Variants in RABEP1 observed in about 807,000 individuals in gnomAD.
RABEP1 encodes rab GTPase-binding effector protein 1.
Under a neutral mutation model 123.4 loss-of-function variants are expected in RABEP1, and 51 were observed. The ratio of observed to expected loss-of-function variants is 0.41; its 90% CI spans 0.33 to 0.52. The LOEUF is 0.52. RABEP1 is among the 20% of genes least tolerant of loss of function. The pLI, the probability that RABEP1 is intolerant of heterozygous loss-of-function variation, is 0.16. For missense variants in RABEP1, 888 were observed against 996.3 expected (o/e 0.89, Z 1.46); for synonymous variants, 347 against 355.2 (o/e 0.98, Z 0.26).
chr17:5,283,296 T>A (rs138494916), intron 1 of RABEP1, among the ~76,000 whole-genome samples: 6 of 152,152 alleles, frequency 3.9e-5, no homozygotes, highest in South Asian at 2.1e-4. Flanking sequence ...AGATATTTGC[T>A]TGTGGAACTA....
intron 14 of RABEP1, among the ~76,000 whole-genome samples, chr17:5,377,587 C>G (rs1414468058): frequency 3.0e-5 from 4 of 134,380 alleles, no homozygotes; most frequent in Non-Finnish European, 6.0e-5. Context: ...AGTGCAATGG[C>G]GCGATCTTGG....
intron 5 of RABEP1, among the ~76,000 whole-genome samples, chr17:5,339,974 A>G (rs77157661): frequency 2.0e-5 from 3 of 152,204 alleles, no homozygotes; most frequent in Admixed American, 6.5e-5. Flanking sequence ...CATCAATAAG[A>G]TATAATAGTC....
chr17:5,287,643 G>A (rs993159724), intron 1 of RABEP1, among the ~76,000 whole-genome samples: 3 of 150,762 alleles, frequency 2.0e-5, no homozygotes, highest in South Asian at 2.1e-4. Flanking sequence ...CTGAGCGGGC[G>A]TGGTGTTGTC....
At chr17:5,313,102 T>A (rs1291994414) in intron 2 of RABEP1, among the ~76,000 whole-genome samples, 1 of 152,180 alleles carries the variant, frequency 6.6e-6, no homozygotes, top group East Asian at 1.9e-4. Flanking sequence ...AGAGCGAGAC[T>A]CTGTCTCAAG....
At chr17:5,341,053 G>C (rs1003873681) in intron 5 of RABEP1, among the ~76,000 whole-genome samples, 2 of 151,796 alleles carry the variant, frequency 1.3e-5, no homozygotes, top group Non-Finnish European at 1.5e-5. Flanking sequence ...TCAATATAAT[G>C]AAAAAATGGA....
At chr17:5,367,461 G>A (rs546294424) in intron 11 of RABEP1, among the ~76,000 whole-genome samples, 64 of 151,694 alleles carry the variant, frequency 4.2e-4, no homozygotes, top group African/African-American at 1.4e-3. Flanking sequence ...AGTAGAGACG[G>A]GGTTTCACCA....
intron 2 of RABEP1, among the ~76,000 whole-genome samples, chr17:5,310,338 G>A (rs560843217): frequency 4.9e-4 from 51 of 103,846 alleles, no homozygotes; most frequent in Non-Finnish European, 6.8e-4. Flanking sequence ...AGTCTCCCCC[G>A]ACATCTTCCC....
rs374593421 is a variant in RABEP1 at position 5,381,515 on chromosome 17, T to C, written c.2487+10T>C. On this transcript the variant is annotated intron_variant, in intron 17 of 17. Transcript: ENST00000537505. The stretch of plus-strand genomic sequence containing the variant: ...TTCACAGACCCTTCAGGTGAGGCAT[T>C]TGGGGAACCACATACAGAGCACGAA... The C allele has an allele frequency of 3.7e-6, 6 of 1,611,372 alleles. No homozygotes were observed. Among genetic ancestry groups the C allele is most frequent in the Non-Finnish European group, 4.2e-6 (5 of 1,179,020 alleles).
At position 5,383,318 on chromosome 17, in the gene RABEP1, A is replaced by G; in HGVS notation, c.*95A>G. On this transcript the variant is annotated 3_prime_UTR_variant, in exon 18 of 18. Transcript: ENST00000537505. ...ATTTAACTCTTAACTGAAGAAAGAG[A>G]AGTCACAACAAAAGGAAGACTGGAG... 4.0e-6 allele frequency: 4 copies of G among 992,282 alleles called. No homozygotes were observed. The Admixed American group carries it at 6.2e-5, about 15-fold the overall frequency. The allele number at this position is 992,282 out of a possible 1,614,324, so 61.5% of individuals were successfully genotyped here.
In RABEP1 at chr17:5,373,353, C is replaced by G. The variant is rs781133552; in HGVS notation, c.1924C>G (p.Leu642Val). 6.2e-7 allele frequency: 1 copy of G among 1,613,144 alleles called. No individual in the cohort carries two copies. The highest frequency in any genetic ancestry group is 2.2e-5 in the East Asian group (1 of 44,820). ...GTCACGGGAACAGGTTTCAGAAGAG[C>G]TGGTGAGGTTACAGAAAGATAATGA... The part of the protein sequence containing the change: ...MQSREQVSEE[L>V]VRLQKDNDSL... Residue 642 changes from leucine (L) to valine (V), a missense_variant, in exon 13 of 18, where the codon CTG (leucine) becomes GTG (valine). Coordinates refer to ENST00000537505, the MANE Select transcript of RABEP1 (RefSeq NM_004703.6).
At position 5,383,349 on chromosome 17, in the gene RABEP1, C is replaced by A; in HGVS notation, c.*126C>A. ...CAACAAAAGGAAGACTGGAGAAATGCTTACTTCTAGAGGGAGAAGACTGTG... is the reference window on the plus strand; with the variant it reads ...CAACAAAAGGAAGACTGGAGAAATGATTACTTCTAGAGGGAGAAGACTGTG... On this transcript the variant is annotated 3_prime_UTR_variant, in exon 18 of 18. Transcript: ENST00000537505. The A allele has an allele frequency of 2.6e-6, 2 of 781,018 alleles. No homozygotes were observed. Among genetic ancestry groups the A allele is most frequent in the Non-Finnish European group, 4.2e-6 (2 of 473,344 alleles). The allele number at this position is 781,018 out of a possible 1,614,324, so 48.4% of individuals were successfully genotyped here. A position where few individuals can be genotyped will look rare whatever the true frequency, so the allele number is the denominator to read the frequency against.
intron 2 of RABEP1, among the ~76,000 whole-genome samples, chr17:5,330,476 A>T (rs1225316061): frequency 3.9e-5 from 6 of 152,186 alleles, no homozygotes; most frequent in Admixed American, 3.9e-4. Context: ...TTATTTTACT[A>T]TTGGATTTTT....
intron 1 of RABEP1, among the ~76,000 whole-genome samples, chr17:5,286,308 A>G (rs925823470): frequency 2.6e-5 from 4 of 152,202 alleles, no homozygotes; most frequent in Non-Finnish European, 5.9e-5. Context: ...AGCCTGGCCA[A>G]TATGGTGAAA....
chr17:5,334,904 G>A (rs986541467), intron 3 of RABEP1, among the ~76,000 whole-genome samples: 12 of 152,108 alleles, frequency 7.9e-5, no homozygotes, highest in African/African-American at 2.7e-4. Flanking sequence ...GCTTCATTCT[G>A]GGCATGAAAC....
chr17:5,297,606 A>ATG, intron 1 of RABEP1, among the ~76,000 whole-genome samples: 1 of 152,252 alleles, frequency 6.6e-6, no homozygotes, highest in Non-Finnish European at 1.5e-5. Flanking sequence ...AACTGGGGTG[A>ATG]TAATGCCTAT....
At position 5,376,133 on chromosome 17, in the gene RABEP1, C is replaced by T. The variant is rs186699586; in HGVS notation, c.2026-983C>T. Among the ~76,000 whole-genome samples the T allele has an allele frequency of 4.3e-3, 659 of 152,250 alleles. 5 individuals are homozygous for T. The highest frequency in any genetic ancestry group is 7.0e-3 in the Non-Finnish European group (475 of 68,010). On this transcript the variant is annotated intron_variant, in intron 13 of 17. Coordinates refer to ENST00000537505, the MANE Select transcript of RABEP1 (RefSeq NM_004703.6). ...CTGGGATTACAGGCTTTAGCCACCGCGCCTGCCTAGTCCTAGATCTTAAAA... is the reference window on the plus strand; with the variant it reads ...CTGGGATTACAGGCTTTAGCCACCGTGCCTGCCTAGTCCTAGATCTTAAAA...
intron 14 of RABEP1, 89 bp from the exon 15 acceptor site, chr17:5,378,088 C>T (rs1228884438): frequency 1.0e-6 from 1 of 995,770 alleles, no homozygotes; most frequent in East Asian, 2.5e-5. Flanking sequence ...CATTTGAATC[C>T]TTTGGGGGGT....
intron 2 of RABEP1, among the ~76,000 whole-genome samples, chr17:5,322,376 A>G (rs1401753210): frequency 6.6e-6 from 1 of 152,006 alleles, no homozygotes; most frequent in East Asian, 1.9e-4. Flanking sequence ...AAAAGAAAAG[A>G]CCGTAAAAAG....
intron 10 of RABEP1, 60 bp from the exon 11 acceptor site, chr17:5,365,062 A>T (rs200149994): frequency 2.3e-4 from 3 of 12,942 alleles, no homozygotes; most frequent in Non-Finnish European, 3.3e-4. Context: ...AGTTAGATTT[A>T]AAAAAAAAAA....
Sources: gnomAD v4.1 joint callset for allele counts (sites outside exome capture counted in the v4.1 genomes callset) on GRCh38, gnomAD v4.1.1 for gene constraint, MANE v1.5 for transcripts, NCBI Gene and HGNC (gene_info 2026-07-23, HGNC 2026-07-21) for gene names.